Variants in ARID1B observed in about 807,000 individuals in gnomAD.
The protein encoded by ARID1B is AT-rich interaction domain 1B, also known as AT-rich interactive domain-containing protein 1B.
ARID1B carries 30 observed loss-of-function variants against 212.3 expected under a neutral mutation model. The ratio of observed to expected loss-of-function variants is 0.14; its 90% CI spans 0.11 to 0.19. ARID1B has a LOEUF of 0.19. Among genes scored for constraint, ARID1B ranks in the 10% least tolerant of loss-of-function variants. The pLI is 1.00. For synonymous variants in ARID1B, 1,402 were observed against 1,301.7 expected, an observed-to-expected ratio of 1.08 and a Z score of -1.66; for missense variants, 2,891 against 3,204.0, an observed-to-expected ratio of 0.90 and a Z score of 2.36.
chr6:156,876,690 G>A (rs895698927), intron 2 of ARID1B, among the ~76,000 whole-genome samples: 5 of 152,066 alleles, frequency 3.3e-5, no homozygotes, highest in Admixed American at 6.6e-5. Flanking sequence ...TGTGTGCCCC[G>A]TCTTCATAGC....
chr6:157,114,259 C>A (rs915037933), intron 6 of ARID1B, among the ~76,000 whole-genome samples: 2 of 152,052 alleles, frequency 1.3e-5, no homozygotes, highest in Non-Finnish European at 2.9e-5. Flanking sequence ...CACGGTGGCT[C>A]ACACCTGTAA....
intron 13 of ARID1B, among the ~76,000 whole-genome samples, chr6:157,187,545 C>T (rs556681389): frequency 2.4e-4 from 37 of 152,278 alleles, no homozygotes; most frequent in African/African-American, 8.2e-4. Context: ...GCACCAGGTT[C>T]GTGCCGGGTA....
At chr6:157,039,005 G>A (rs1477664931) in intron 4 of ARID1B, among the ~76,000 whole-genome samples, 1 of 151,992 alleles carries the variant, frequency 6.6e-6, no homozygotes, top group Non-Finnish European at 1.5e-5. Context: ...CCAGGCTCAA[G>A]CGATGCTCCC....
chr6:156,945,961 A>C (rs937947095), intron 4 of ARID1B, among the ~76,000 whole-genome samples: 2 of 152,144 alleles, frequency 1.3e-5, no homozygotes. Flanking sequence ...GTGAGCAGTG[A>C]TCACGTCACT....
chr6:157,036,706 A>G (rs1445894995), intron 4 of ARID1B: 2 of 390,918 alleles, frequency 5.1e-6, no homozygotes, highest in Non-Finnish European at 1.0e-5. Context: ...TTTCTTGACA[A>G]CTGACATAAA....
At chr6:157,110,635 A>G (rs1284357547) in intron 6 of ARID1B, 74 bp downstream of exon 6, 11 of 1,335,852 alleles carry the variant, frequency 8.2e-6, no homozygotes, top group African/African-American at 4.3e-5. Context: ...TTGCTTACCT[A>G]TGCACCTCCT....
chr6:157,147,560 C>A (rs1445445460), intron 7 of ARID1B, among the ~76,000 whole-genome samples: 1 of 43,314 alleles, frequency 2.3e-5, no homozygotes. Flanking sequence ...TCCGACCCTG[C>A]CCTCCGTCCC....
At chr6:157,099,965 C>T (rs2128493223) in intron 5 of ARID1B, among the ~76,000 whole-genome samples, 1 of 152,118 alleles carries the variant, frequency 6.6e-6, no homozygotes. Context: ...ATTTTTAGGA[C>T]CTAATGACAC....
Position 156,778,945 on chromosome 6 carries a change from TG to T in ARID1B, c.1267del (p.Ala423ArgfsTer29). ...AGAGGAGAGA[V>X]AAAAAAAAAA... ...GCAGGAGGAGCAGGAGCGGGAGCTGTGGCGGCGGCGGCCGCGGCGGCGGCGG... is the reference window on the plus strand; with the variant it reads ...GCAGGAGGAGCAGGAGCGGGAGCTGTGCGGCGGCGGCCGCGGCGGCGGCGG... On this transcript the variant is annotated frameshift_variant, in exon 1 of 20. Coordinates refer to ENST00000636930, the MANE Select transcript of ARID1B (RefSeq NM_001374828.1). LOFTEE classifies it high-confidence loss of function. 1 of 1,277,236 alleles carries T rather than the reference TG, an allele frequency of 7.8e-7. No homozygotes were observed. The highest frequency in any genetic ancestry group is 3.0e-5 in the South Asian group (1 of 33,336). The allele number at this position is 1,277,236 out of a possible 1,614,324, so 79.1% of individuals were successfully genotyped here.
chr6:157,021,570 A>C (rs1407454092), intron 4 of ARID1B, among the ~76,000 whole-genome samples: 1 of 152,152 alleles, frequency 6.6e-6, no homozygotes, highest in African/African-American at 2.4e-5. Context: ...GGACGAAAAC[A>C]ACCGCGTCCT....
intron 4 of ARID1B, among the ~76,000 whole-genome samples, chr6:156,974,749 T>C (rs1050853904): frequency 2.0e-5 from 3 of 152,230 alleles, no homozygotes; most frequent in Non-Finnish European, 4.4e-5. Flanking sequence ...TACTAAAATA[T>C]ATGCTTTCAC....
chr6:157,177,655 G>A (rs1792191573), intron 11 of ARID1B, among the ~76,000 whole-genome samples: 1 of 152,172 alleles, frequency 6.6e-6, no homozygotes, highest in Non-Finnish European at 1.5e-5. Flanking sequence ...AAAGACTTGA[G>A]GAAAATGTAC....
chr6:156,965,465 C>G (rs767778843), intron 4 of ARID1B, among the ~76,000 whole-genome samples: 3 of 152,268 alleles, frequency 2.0e-5, no homozygotes, highest in Non-Finnish European at 4.4e-5. Context: ...GTTTGTTATT[C>G]GATGACTGCT....
chr6:157,097,558 G>A (rs1785733657), intron 5 of ARID1B, among the ~76,000 whole-genome samples: 1 of 152,174 alleles, frequency 6.6e-6, no homozygotes, highest in Non-Finnish European at 1.5e-5. Context: ...ACTTCTCATA[G>A]CCAACCACCC....
rs755649606 is a variant in ARID1B at position 157,184,439 on chromosome 6, A to T, written c.3919+4A>T. 3 of 1,613,780 alleles carry T rather than the reference A, an allele frequency of 1.9e-6. No individual in the cohort carries two copies. The highest frequency in any genetic ancestry group is 2.7e-5 in the African/African-American group (2 of 74,920). ...AAGCTCCAGCCGCCATCTCCTGGTA[A>T]GTGGCGGCGCTGCAGTCACTGGCCC... On this transcript the variant is annotated splice_donor_region_variant and intron_variant, in intron 13 of 19. Coordinates refer to ENST00000636930, the MANE Select transcript of ARID1B (RefSeq NM_001374828.1).
intron 3 of ARID1B, among the ~76,000 whole-genome samples, chr6:156,930,447 G>C (rs1273603324): frequency 6.6e-6 from 1 of 152,186 alleles, no homozygotes; most frequent in Non-Finnish European, 1.5e-5. Flanking sequence ...AGAACTGTGA[G>C]CCAATTACAC....
At chr6:157,051,853 T>A (rs908287149) in intron 4 of ARID1B, among the ~76,000 whole-genome samples, 3 of 152,254 alleles carry the variant, frequency 2.0e-5, no homozygotes, top group African/African-American at 7.2e-5. Context: ...TTTCATGTTG[T>A]TTCTTTTGTC....
chr6:156,878,661 T>G (rs2128161795), intron 2 of ARID1B, among the ~76,000 whole-genome samples: 1 of 152,334 alleles, frequency 6.6e-6, no homozygotes, highest in East Asian at 1.9e-4. Flanking sequence ...TGTTTGGCCT[T>G]TCCAGCCTCT....
intron 4 of ARID1B, among the ~76,000 whole-genome samples, chr6:157,058,567 ACTTTAT>A (rs912857343): frequency 1.3e-5 from 2 of 152,134 alleles, no homozygotes; most frequent in Non-Finnish European, 2.9e-5. Context: ...GCCCAGCCCT[ACTTTAT>A]CTTAATCTTT....
Sources: allele counts gnomAD v4.1 joint callset (sites outside exome capture counted in the v4.1 genomes callset), GRCh38; gene constraint gnomAD v4.1.1; transcripts MANE v1.5; gene names NCBI Gene and HGNC (gene_info 2026-07-23, HGNC 2026-07-21).